Variants in ZNF746 observed in about 807,000 individuals in gnomAD.
The protein encoded by ZNF746 is parkin-interacting substrate.
In ZNF746, 13 loss-of-function variants were observed where a neutral mutation model predicts 41.0. The observed-to-expected ratio is 0.32, with a 90% CI of 0.21 to 0.50. The LOEUF (loss-of-function observed/expected upper bound fraction) is 0.50, where lower values mean the gene tolerates loss of function less well. Ranked by LOEUF, ZNF746 falls within the 20% of genes least tolerant of loss-of-function variation. The pLI, the probability that ZNF746 is intolerant of heterozygous loss-of-function variation, is 0.98. For missense variants in ZNF746, 811 were observed against 922.9 expected, an observed-to-expected ratio of 0.88 and a Z score of 1.57; for synonymous variants, 424 against 396.2, an observed-to-expected ratio of 1.07 and a Z score of -0.83.
chr7:149,488,119 C>G (rs1278514887), intron 4 of ZNF746: 1 of 152,108 alleles, frequency 6.6e-6, no homozygotes, highest in African/African-American at 2.4e-5. Flanking sequence ...CAGCTCAGGA[C>G]AGAATCGCAT....
At chr7:149,489,232 T>TTC (rs892529016) in intron 4 of ZNF746, 9 of 105,024 alleles carry the variant, frequency 8.6e-5, no homozygotes, top group African/African-American at 1.4e-4. Flanking sequence ...AATACATTAT[T>TTC]TCACACACAC....
intron 3 of ZNF746, 49 bp from the exon 4 acceptor site, chr7:149,493,021 G>C (rs201089117): frequency 3.9e-6 from 5 of 1,280,692 alleles, no homozygotes; most frequent in Non-Finnish European, 5.6e-6. Flanking sequence ...GTCAAAGCTG[G>C]GGACAGTCAT....
chr7:149,493,232 A>G (rs562011616), intron 3 of ZNF746, among the ~76,000 whole-genome samples: 331 of 152,168 alleles, frequency 2.2e-3, no homozygotes, highest in Non-Finnish European at 3.0e-3. Context: ...AACATCCTAC[A>G]ATGCAGAGGA....
At chr7:149,483,062 T>G (rs940686076) in intron 4 of ZNF746, among the ~76,000 whole-genome samples, 4 of 152,178 alleles carry the variant, frequency 2.6e-5, no homozygotes, top group African/African-American at 9.7e-5. Context: ...TCAGCAAAAT[T>G]TAAACGACTA....
chr7:149,475,011 G>GCCC lies in ZNF746; in HGVS notation c.1355_1356insGGG (p.His452delinsGlnGly). On this transcript the variant is annotated protein_altering_variant, in exon 7 of 7. Transcript: ENST00000458143. ...CGGGGTGCTTCTTCAGCCCTGGCTTGTGGCCAAAGCCTTTGGTCCGGCCAG... is the reference window on the plus strand; with the variant it reads ...CGGGGTGCTTCTTCAGCCCTGGCTTGCCCTGGCCAAAGCCTTTGGTCCGGCCAG... 1.3e-6 allele frequency: 2 copies of GCCC among 1,551,548 alleles called. No homozygotes were observed. The highest frequency in any genetic ancestry group is 1.7e-6 in the Non-Finnish European group (2 of 1,147,800).
chr7:149,492,283 G>A (rs1800831040), intron 4 of ZNF746, among the ~76,000 whole-genome samples: 1 of 152,138 alleles, frequency 6.6e-6, no homozygotes, highest in African/African-American at 2.4e-5. Flanking sequence ...TGACCTTTAT[G>A]ATGCTCCACT....
At position 149,474,329 on chromosome 7, in the gene ZNF746, T is replaced by C. The variant is rs1328684429; in HGVS notation, c.*55A>G. On this transcript the variant is annotated 3_prime_UTR_variant, in exon 7 of 7. Coordinates refer to ENST00000458143, the MANE Select transcript of ZNF746 (RefSeq NM_001394198.1). The surrounding 1 kb of genome is among the most constrained non-coding windows in gnomAD (Gnocchi z 6.3). ...GAAGCTTCCACGCCGCCCTGCTGCC[T>C]GCACACGGGGCTTTTTACACGTGCG... is the stretch of plus-strand genomic sequence containing the variant. 2 of 1,553,544 alleles carry C rather than the reference T, an allele frequency of 1.3e-6. No homozygotes were observed. Among genetic ancestry groups the C allele is most frequent in the Non-Finnish European group, 1.7e-6 (2 of 1,148,568 alleles).
At position 149,494,408 on chromosome 7, in the gene ZNF746, C is replaced by T. The variant is rs770195060; in HGVS notation, c.120G>A (p.Gly40=). 6 of 1,613,912 alleles carry T rather than the reference C, an allele frequency of 3.7e-6. No individual in the cohort carries two copies. The highest frequency in any genetic ancestry group is 2.2e-5 in the East Asian group (1 of 44,890). Residue 40 remains glycine, a synonymous_variant, in exon 2 of 7, where the codon GGG becomes GGA. Transcript: ENST00000458143. The surrounding 1 kb of genome is among the most constrained non-coding windows in gnomAD (Gnocchi z 5.6). ...AATCAGCCAGCTTCTTCTCGGCCAT[C>T]CCGGTTCGACCTTCTAGGGAAAGCA... is the stretch of plus-strand genomic sequence containing the variant. The part of the protein sequence containing the change: ...ARLLSLEGRT[G]MAEKKLADCE...
intron 1 of ZNF746, among the ~76,000 whole-genome samples, chr7:149,495,682 T>C (rs970684285): frequency 1.3e-5 from 2 of 152,188 alleles, no homozygotes; most frequent in African/African-American, 4.8e-5. Context: ...CCAGTGTGGA[T>C]TCACTTAGAG....
chr7:149,496,282 T>C (rs952819351), intron 1 of ZNF746, among the ~76,000 whole-genome samples: 1 of 152,226 alleles, frequency 6.6e-6, no homozygotes, highest in African/African-American at 2.4e-5. Flanking sequence ...TGTAAGGTCT[T>C]CACACTATGT....
At position 149,474,208 on chromosome 7, in the gene ZNF746, A is replaced by G; in HGVS notation, c.*176T>C. On this transcript the variant is annotated 3_prime_UTR_variant, in exon 7 of 7. Coordinates refer to ENST00000458143, the MANE Select transcript of ZNF746 (RefSeq NM_001394198.1). This position sits in a 1 kb window ranked among gnomAD's most constrained non-coding sequence, Gnocchi z 6.3. ...TTTCACAGAGAATTCTACTTGGTTT[A>G]GAGGTGGCAGCTGTCCTGGTGGATA... The G allele has an allele frequency of 1.5e-6, 1 of 669,812 alleles. No homozygotes were observed. Among genetic ancestry groups the G allele is most frequent in the South Asian group, 2.0e-5 (1 of 50,966 alleles). The allele number at this position is 669,812 out of a possible 1,614,324, so 41.5% of individuals were successfully genotyped here.
chr7:149,481,002 C>T (rs189381606), intron 4 of ZNF746, among the ~76,000 whole-genome samples: 51 of 152,154 alleles, frequency 3.4e-4, no homozygotes, highest in African/African-American at 1.2e-3. Flanking sequence ...GTGATTAAAG[C>T]AGGATAAAAG....
chr7:149,495,087 T>G (rs1800951388), intron 1 of ZNF746, among the ~76,000 whole-genome samples: 1 of 152,136 alleles, frequency 6.6e-6, no homozygotes, highest in South Asian at 2.1e-4. Flanking sequence ...TGTCCCCTTT[T>G]AACAAACATA....
chr7:149,483,501 G>A (rs1800539317), intron 4 of ZNF746, among the ~76,000 whole-genome samples: 1 of 152,038 alleles, frequency 6.6e-6, no homozygotes, highest in South Asian at 2.1e-4. Context: ...CAGCTACTCG[G>A]GAGGCTGAGG....
intron 5 of ZNF746, among the ~76,000 whole-genome samples, chr7:149,477,331 T>C (rs758274888): frequency 1.2e-4 from 19 of 152,062 alleles, no homozygotes; most frequent in Non-Finnish European, 5.9e-5. Flanking sequence ...CTCACGGTGA[T>C]ATAGGGGCCA....
chr7:149,474,480 G>A lies in ZNF746; in HGVS notation c.1887C>T (p.Ser629=), dbSNP rs377129945. ...AGGCCAAAGGTCCTTTGGAGGCGGGGCTCTTGAAGGGATCAGGAGGTGCGG... is the reference window on the plus strand; with the variant it reads ...AGGCCAAAGGTCCTTTGGAGGCGGGACTCTTGAAGGGATCAGGAGGTGCGG... ...TPPAPPDPFK[S]PASKGPLAST... The change falls in exon 7 of 7, where the codon AGC becomes AGT. Residue 629 remains serine (S), a synonymous_variant. Coordinates refer to ENST00000458143, the MANE Select transcript of ZNF746 (RefSeq NM_001394198.1). This position sits in a 1 kb window ranked among gnomAD's most constrained non-coding sequence, Gnocchi z 6.3. 2.2e-5 allele frequency: 35 copies of A among 1,610,600 alleles called. No homozygotes were observed. Among genetic ancestry groups the A allele is most frequent in the Non-Finnish European group, 2.8e-5 (33 of 1,178,488 alleles).
At position 149,475,246 on chromosome 7, in the gene ZNF746, A is replaced by G; in HGVS notation, c.1121T>C (p.Leu374Pro). 1.2e-6 allele frequency: 2 copies of G among 1,612,888 alleles called. No homozygotes were observed. The highest frequency in any genetic ancestry group is 1.7e-6 in the Non-Finnish European group (2 of 1,179,524). ...CTCCTCCTGGGCCACAGCAGGACTG[A>G]GCTCACCCATGTCCCTCTCAGGCCG... ...PARPERDMGE[L>P]SPAVAQEETP... is the part of the protein sequence containing the mutation. Residue 374 changes from leucine to proline, a missense_variant, in exon 7 of 7, where the codon CTC (leucine) becomes CCC (proline). This residue lies in a region of ZNF746 where 495 missense variants were observed against 481.6 expected (regional missense o/e 1.03). Transcript: ENST00000458143.
At chr7:149,477,914 A>AG (rs1215253493) in intron 4 of ZNF746, 159 bp from the exon 5 acceptor site, 5 of 577,510 alleles carry the variant, frequency 8.7e-6, no homozygotes, top group Non-Finnish European at 1.5e-5. Flanking sequence ...ATGGGAGCCT[A>AG]GGGCAGAGCC....
At chr7:149,476,138 C>T (rs1244895716) in intron 6 of ZNF746, among the ~76,000 whole-genome samples, 4 of 152,022 alleles carry the variant, frequency 2.6e-5, no homozygotes, top group East Asian at 1.9e-4. Context: ...CATGGTGAAA[C>T]GCCGTCTCTA....
Sources: gnomAD v4.1 joint callset for allele counts (sites outside exome capture counted in the v4.1 genomes callset) on GRCh38, gnomAD v4.1.1 for gene constraint, gnomAD v4.1.1 regional missense constraint, Gnocchi (gnomAD v3.1) non-coding constraint, MANE v1.5 for transcripts, NCBI Gene and HGNC (gene_info 2026-07-23, HGNC 2026-07-21) for gene names.